UCP2: variants seen among roughly 807,000 people sequenced by gnomAD.
The protein encoded by UCP2 is dicarboxylate carrier SLC25A8.
A neutral mutation model predicts 31.3 loss-of-function variants in UCP2; 27 were observed. That is an observed-to-expected ratio of 0.86 (90% CI 0.64 to 1.19). The LOEUF (loss-of-function observed/expected upper bound fraction) is 1.19, where lower values mean the gene tolerates loss of function less well. Among genes scored for constraint, UCP2 ranks in the 50% most tolerant of loss-of-function variants. UCP2 has a pLI of 0.00. For synonymous variants in UCP2, 142 were observed against 157.4 expected, an observed-to-expected ratio of 0.90 and a Z score of 0.73; for missense variants, 377 against 413.5, an observed-to-expected ratio of 0.91 and a Z score of 0.76.
At chr11:73,982,163 G>A (rs570709356) in intron 1 of UCP2, among the ~76,000 whole-genome samples, 1 of 152,364 alleles carries the variant, frequency 6.6e-6, no homozygotes, top group African/African-American at 2.4e-5. Context: ...CCAAGGCAGG[G>A]CTCGGCATCG....
chr11:73,982,880 GGGGGCGGGGCCCGGGGTGGGGCCTGC>G (rs1340254992), upstream of UCP2: 1 of 152,622 alleles, frequency 6.6e-6, no homozygotes, highest in Non-Finnish European at 1.5e-5. Flanking sequence ...CTTAAGCCTC[GGGGGCGGGGCCCGGGGTGGGGCCTGC>G]GGGGCGGGGC....
At chr11:73,975,776 G>A (rs1591218794) in intron 6 of UCP2, 105 bp from the exon 7 acceptor site, 2 of 1,392,736 alleles carry the variant, frequency 1.4e-6, no homozygotes, top group Non-Finnish European at 1.0e-6. Flanking sequence ...TAAAGAGACA[G>A]AGAGGCTGGG....
intron 2 of UCP2, chr11:73,978,761 A>G (rs945066797): frequency 5.9e-6 from 2 of 341,770 alleles, no homozygotes; most frequent in African/African-American, 4.3e-5. Flanking sequence ...CCACTGGACC[A>G]GCCCTTTGTC....
At chr11:73,975,431 C>G in intron 7 of UCP2, 60 bp downstream of exon 7, 1 of 1,553,110 alleles carries the variant, frequency 6.4e-7, no homozygotes, top group Non-Finnish European at 8.7e-7. Context: ...TTCTCTCCCA[C>G]CCACAATAGA....
rs1951331499 is a variant in UCP2 at position 73,975,655 on chromosome 11, G to A, written c.651C>T (p.His217=). The A allele has an allele frequency of 6.2e-7, 1 of 1,614,144 alleles. No individual in the cohort carries two copies. The highest frequency in any genetic ancestry group is 1.1e-5 in the South Asian group (1 of 91,092). The change falls in exon 7 of 8, where the codon CAC becomes CAT. Residue 217 remains histidine (H), a synonymous_variant. Transcript: ENST00000663595. ...AGCCTGCCCCAAAGGCAGAAGTGAAGTGGCAAGGGAGGTCATCTGCCAAGG... is the reference window on the plus strand; with the variant it reads ...AGCCTGCCCCAAAGGCAGAAGTGAAATGGCAAGGGAGGTCATCTGCCAAGG... ...ANLMTDDLPC[H]FTSAFGAGFC... is the part of the protein sequence containing the mutation.
In UCP2 at chr11:73,976,845, T is replaced by G. The variant is rs1411759856; in HGVS notation, c.510A>C (p.Glu170Asp). 6.2e-7 allele frequency: 1 copy of G among 1,614,230 alleles called. No homozygotes were observed. The highest frequency in any genetic ancestry group is 8.5e-7 in the Non-Finnish European group (1 of 1,180,024). ...VNAYKTIAREEGFRGLWKGTS... is the reference protein window; with the variant it reads ...VNAYKTIAREDGFRGLWKGTS... ...CACCTTTCCAGAGGCCCCGGAACCC[T>G]TCCTCTCGGGCAATGGTCTTGTAGG... Residue 170 changes from glutamate (E) to aspartate (D), a missense_variant, in exon 5 of 8, where the codon GAA becomes GAC. By Grantham distance (45) the Glu-to-Asp change is conservative. Transcript: ENST00000663595.
Position 73,975,628 on chromosome 11 carries a change from G to A in UCP2, c.678C>T (p.Phe226=). The change falls in exon 7 of 8, where the codon TTC becomes TTT. Residue 226 remains phenylalanine, a synonymous_variant. Coordinates refer to ENST00000663595, the MANE Select transcript of UCP2 (RefSeq NM_003355.3). ...CAGGGGAGGCGATGACAGTGGTGCA[G>A]AAGCCTGCCCCAAAGGCAGAAGTGA... ...CHFTSAFGAG[F]CTTVIASPVD... is the part of the protein sequence containing the mutation. 6.2e-7 allele frequency: 1 copy of A among 1,614,250 alleles called. No homozygotes were observed. The highest frequency in any genetic ancestry group is 1.3e-5 in the African/African-American group (1 of 75,060).
chr11:73,976,525 C>G, intron 6 of UCP2, 116 bp downstream of exon 6: 1 of 854,032 alleles, frequency 1.2e-6, no homozygotes, highest in Non-Finnish European at 1.9e-6. Flanking sequence ...TCTTACTCTC[C>G]CTGCAAAGGG....
chr11:73,981,965 T>C (rs1591223347), intron 1 of UCP2, among the ~76,000 whole-genome samples: 1 of 152,102 alleles, frequency 6.6e-6, no homozygotes, highest in Admixed American at 6.5e-5. Context: ...TCTCCGGGAA[T>C]TGGCTAGGTC....
chr11:73,975,899 T>C (rs1418219085), intron 6 of UCP2, among the ~76,000 whole-genome samples: 41 of 151,358 alleles, frequency 2.7e-4, no homozygotes, highest in Admixed American at 2.7e-3. Flanking sequence ...ACCCTGTCTC[T>C]ACAAAATACA....
At chr11:73,982,989 G>C (rs920205449), upstream of UCP2, 2 of 152,402 alleles carry the variant, frequency 1.3e-5, no homozygotes, top group Non-Finnish European at 2.9e-5. Context: ...GCCCCGCCTA[G>C]GGTTCTCTCC....
Position 73,978,260 on chromosome 11 carries a change from C to T in UCP2, c.119G>A (p.Arg40Gln), listed in dbSNP as rs45574134. The T allele has an allele frequency of 2.6e-5, 42 of 1,613,984 alleles. No individual in the cohort carries two copies. Among genetic ancestry groups the T allele is most frequent in the South Asian group, 7.7e-5 (7 of 91,060 alleles). The change falls in exon 3 of 8, where the codon CGG (arginine) becomes CAG (glutamine). Residue 40 changes from arginine (R) to glutamine (Q), a missense_variant. Physicochemically the swap from Arg to Gln is conservative, Grantham distance 43 (BLOSUM62 1). Coordinates refer to ENST00000663595, the MANE Select transcript of UCP2 (RefSeq NM_003355.3). ...ITFPLDTAKV[R>Q]LQIQGESQGP... ...CAGGCTTCATCCCCTCACCTGTAAC[C>T]GGACTTTAGCAGTATCCAGAGGAAA...
In UCP2 at chr11:73,977,486, C is replaced by T. The variant is rs946074278; in HGVS notation, c.337+400G>A. ...CGTCATGTGTAAAATGGAGGGTTGG[C>T]ATGGCATACTAAGGAGGTGAAAGGG... On this transcript the variant is annotated intron_variant, in intron 4 of 7. Coordinates refer to ENST00000663595, the MANE Select transcript of UCP2 (RefSeq NM_003355.3). Among the ~76,000 whole-genome samples, 6 of 152,070 alleles carry T rather than the reference C, an allele frequency of 3.9e-5. No individual in the cohort carries two copies. The East Asian group carries it at 1.2e-3, about 29-fold the overall frequency.
Position 73,982,793 on chromosome 11 carries a change from G to A in UCP2, c.-329C>T, listed in dbSNP as rs45560234. 3,244 of 152,638 alleles carry A rather than the reference G, an allele frequency of 0.021. 53 individuals are homozygous for A. Among genetic ancestry groups the A allele is most frequent in the East Asian group, 0.072 (373 of 5,154 alleles). The allele number at this position is 152,638 out of a possible 1,614,324, so 9.5% of individuals were successfully genotyped here. On this transcript the variant is annotated 5_prime_UTR_variant, in exon 1 of 8. Transcript: ENST00000663595. ...TGGCGGAGGGCGCGTCGGACGAGCC[G>A]GGCGAGCGTGGACAGTCAATCCCAA...
chr11:73,976,788 G>A (rs1298689969), intron 5 of UCP2, 35 bp downstream of exon 5: 1 of 1,614,258 alleles, frequency 6.2e-7, no homozygotes, highest in Admixed American at 1.7e-5. Context: ...TATCGGGGAG[G>A]AGGAAAAGGG....
rs745866372 is a variant in UCP2, at chr11:73,977,932, G to A, written c.291C>T (p.Ile97=). 2.0e-5 allele frequency: 32 copies of A among 1,613,936 alleles called. No homozygotes were observed. Among genetic ancestry groups the A allele is most frequent in the South Asian group, 3.3e-5 (3 of 91,086 alleles). Residue 97 remains isoleucine, a synonymous_variant, in exon 4 of 8, where the codon ATC becomes ATT. Transcript: ENST00000663595. ...QRQMSFASVR[I]GLYDSVKQFY... ...ACTGTTTGACAGAATCATACAGGCC[G>A]ATGCGGACAGAGGCAAAGCTCATTT... is the stretch of plus-strand genomic sequence containing the variant.
chr11:73,978,519 C>CT (rs1951400788), intron 2 of UCP2, 42 bp from the exon 3 acceptor site: 7 of 1,235,892 alleles, frequency 5.7e-6, no homozygotes, highest in Non-Finnish European at 8.0e-6. Context: ...ACAATGTCCC[C>CT]AGGCCCTCCC....
At position 73,976,923 on chromosome 11, in the gene UCP2, G is replaced by T; in HGVS notation, c.432C>A (p.Phe144Leu). The T allele has an allele frequency of 1.2e-6, 2 of 1,613,744 alleles. No homozygotes were observed. The highest frequency in any genetic ancestry group is 1.7e-6 in the Non-Finnish European group (2 of 1,179,636). Residue 144 changes from phenylalanine (F) to leucine (L), a missense_variant, in exon 5 of 8, where the codon TTC (phenylalanine) becomes TTA (leucine). Phe to Leu is a conservative substitution (Grantham distance 22, BLOSUM62 0). Coordinates refer to ENST00000663595, the MANE Select transcript of UCP2 (RefSeq NM_003355.3). ...CACCTCCAGCCCGGGCCTGAGCTTG[G>T]AATCGGACCTTTACCACATCCGTGG... is the stretch of plus-strand genomic sequence containing the variant. ...AQPTDVVKVR[F>L]QAQARAGGGR... is the part of the protein sequence containing the mutation.
rs1951308182 is a variant in UCP2, at chr11:73,974,784, T to C, written c.*223A>G. On this transcript the variant is annotated 3_prime_UTR_variant, in exon 8 of 8. Transcript: ENST00000663595. ...ACGGGACGCTTGGGATCCTGGCTGG[T>C]ACGAGGCCTCCCACACTGTCAAATG... The C allele has an allele frequency of 5.7e-6, 2 of 353,568 alleles. No individual in the cohort carries two copies. Among genetic ancestry groups the C allele is most frequent in the Non-Finnish European group, 1.1e-5 (2 of 188,316 alleles). 21.9% of individuals were successfully genotyped at this position (353,568 alleles called of 1,614,324 possible). A position where few individuals can be genotyped will look rare whatever the true frequency, so the allele number is the denominator to read the frequency against.
Sources: gnomAD v4.1 joint callset for allele counts (sites outside exome capture counted in the v4.1 genomes callset) on GRCh38, gnomAD v4.1.1 for gene constraint, MANE v1.5 for transcripts, NCBI Gene and HGNC (gene_info 2026-07-23, HGNC 2026-07-21) for gene names.